GLRA2: variants seen among roughly 807,000 people sequenced by gnomAD.
GLRA2 encodes glycine receptor alpha 2, also known as glycine receptor subunit alpha-2.
GLRA2 carries 11 observed loss-of-function variants against 31.6 expected under a neutral mutation model. That is an observed-to-expected ratio of 0.35 (90% confidence interval 0.22 to 0.58). GLRA2 has a LOEUF of 0.58. Ranked by LOEUF, GLRA2 falls within the 20% of genes least tolerant of loss-of-function variation. The pLI is 0.84. For synonymous variants in GLRA2, 132 were observed against 134.0 expected, an observed-to-expected ratio of 0.99 and a Z score of 0.10; for missense variants, 212 against 351.8, an observed-to-expected ratio of 0.60 and a Z score of 3.18.
chrX:14,567,845 G>T, intron 2 of GLRA2, among the ~76,000 whole-genome samples: 1 of 111,574 alleles, frequency 9.0e-6, no homozygotes, highest in Admixed American at 9.5e-5. Context: ...AATTTGACAA[G>T]AAAGTTAGAA....
chrX:14,617,412 ATT>A (rs974144826), intron 7 of GLRA2, among the ~76,000 whole-genome samples: 1 of 111,804 alleles, frequency 8.9e-6, no homozygotes, highest in Non-Finnish European at 1.9e-5. Context: ...GTAAAGGCAG[ATT>A]TTTTTACAAA....
At chrX:14,672,274 A>G (rs767710356) in intron 7 of GLRA2, among the ~76,000 whole-genome samples, 4 of 112,432 alleles carry the variant, frequency 3.6e-5, no homozygotes, top group Non-Finnish European at 7.5e-5. Flanking sequence ...ATTGATCTAA[A>G]CTTTCTGAAG....
chrX:14,623,901 T>C (rs2090554088), intron 7 of GLRA2, among the ~76,000 whole-genome samples: 1 of 111,920 alleles, frequency 8.9e-6, no homozygotes, highest in Admixed American at 9.5e-5. Flanking sequence ...TTTCTATTGA[T>C]TGGAAGAGTT....
At chrX:14,681,495 G>C (rs2091201542) in intron 7 of GLRA2, among the ~76,000 whole-genome samples, 1 of 111,064 alleles carries the variant, frequency 9.0e-6, no homozygotes, top group Admixed American at 9.6e-5. Flanking sequence ...CTATTTGCTA[G>C]GTCCTGTGCT....
chrX:14,704,592 T>C (rs1285343636), intron 8 of GLRA2, among the ~76,000 whole-genome samples: 2 of 112,048 alleles, frequency 1.8e-5, no homozygotes, highest in Admixed American at 1.9e-4. Context: ...GGGGACAATA[T>C]GCTTAAATGG....
At chrX:14,644,390 T>C (rs2090807346) in intron 7 of GLRA2, among the ~76,000 whole-genome samples, 1 of 111,817 alleles carries the variant, frequency 8.9e-6, no homozygotes, top group Admixed American at 9.5e-5. Flanking sequence ...CTGAGGGTCA[T>C]GGATTTTCAT....
intron 8 of GLRA2, among the ~76,000 whole-genome samples, chrX:14,698,238 G>A (rs1263895129): frequency 9.0e-6 from 1 of 111,273 alleles, no homozygotes; most frequent in Non-Finnish European, 1.9e-5. Context: ...TTTGAGTACT[G>A]GAGTTTTGGG....
the GLRA2 span, among the ~76,000 whole-genome samples, chrX:14,465,436 C>G: frequency 8.9e-6 from 1 of 111,834 alleles, no homozygotes; most frequent in Non-Finnish European, 1.9e-5. Flanking sequence ...ATTTGGATGC[C>G]CTTTATTTAT....
upstream of GLRA2, among the ~76,000 whole-genome samples, chrX:14,528,498 C>T (rs887235895): frequency 1.9e-4 from 21 of 111,823 alleles, no homozygotes; most frequent in Non-Finnish European, 3.8e-4. Flanking sequence ...ATTTTTCATT[C>T]CCCCTTCCCA....
At chrX:14,707,257 A>G (rs1326497318) in intron 8 of GLRA2, among the ~76,000 whole-genome samples, 4 of 111,364 alleles carry the variant, frequency 3.6e-5, no homozygotes, top group African/African-American at 1.3e-4. Context: ...GGCTGAATCT[A>G]AATCCTGGCT....
chrX:14,478,819 A>T, the GLRA2 span, among the ~76,000 whole-genome samples: 2 of 112,075 alleles, frequency 1.8e-5, no homozygotes, highest in South Asian at 7.4e-4. Flanking sequence ...ATTCCCTTAA[A>T]CTAGCCTGTG....
the GLRA2 span, among the ~76,000 whole-genome samples, chrX:14,519,407 T>C: frequency 8.0e-5 from 9 of 111,853 alleles, no homozygotes; most frequent in African/African-American, 2.9e-4. Context: ...ATTTCAACTA[T>C]AGTCAGATCC....
At chrX:14,571,270 AT>A (rs2089879366) in intron 2 of GLRA2, among the ~76,000 whole-genome samples, 1 of 112,222 alleles carries the variant, frequency 8.9e-6, no homozygotes, top group African/African-American at 3.2e-5. Flanking sequence ...GAGCACATTC[AT>A]TCACTGGTGA....
intron 7 of GLRA2, among the ~76,000 whole-genome samples, chrX:14,663,916 G>A (rs1293586363): frequency 9.0e-6 from 1 of 110,874 alleles, no homozygotes; most frequent in Non-Finnish European, 1.9e-5. Flanking sequence ...TTAATTTTCT[G>A]TGTTCTTTCC....
At chrX:14,527,431 A>G (rs1029628953), upstream of GLRA2, among the ~76,000 whole-genome samples, 3 of 111,371 alleles carry the variant, frequency 2.7e-5, no homozygotes, top group Admixed American at 9.6e-5. Context: ...TCTGGCCAAC[A>G]TGGTGAAACC....
chrX:14,512,435 A>C, the GLRA2 span, among the ~76,000 whole-genome samples: 3 of 111,646 alleles, frequency 2.7e-5, no homozygotes, highest in Admixed American at 2.9e-4. Context: ...ATCAGACAAG[A>C]GATAGAAATA....
the GLRA2 span, among the ~76,000 whole-genome samples, chrX:14,456,662 G>A: frequency 1.7e-4 from 19 of 112,057 alleles, no homozygotes; most frequent in Non-Finnish European, 2.8e-4. Flanking sequence ...CTCCAGTTAC[G>A]TCCATGTTAC....
At chrX:14,567,163 A>G (rs2147049303) in intron 2 of GLRA2, among the ~76,000 whole-genome samples, 1 of 111,561 alleles carries the variant, frequency 9.0e-6, no homozygotes, top group South Asian at 3.8e-4. Context: ...GTTTCATTCA[A>G]AACACCCTTA....
chrX:14,644,472 T>C (rs1363233658), intron 7 of GLRA2, among the ~76,000 whole-genome samples: 1 of 111,885 alleles, frequency 8.9e-6, no homozygotes, highest in African/African-American at 3.2e-5. Flanking sequence ...CTAAATATTA[T>C]AATAGATATA....
Sources: allele counts gnomAD v4.1 joint callset (sites outside exome capture counted in the v4.1 genomes callset), GRCh38; gene constraint gnomAD v4.1.1; transcripts MANE v1.5; gene names NCBI Gene and HGNC (gene_info 2026-07-23, HGNC 2026-07-21).